The following PRKAR2B variants were observed in gnomAD, a reference collection of about 807,000 sequenced individuals.
PRKAR2B encodes cAMP-dependent protein kinase type II-beta regulatory subunit.
In PRKAR2B, 14 loss-of-function variants were observed where a neutral mutation model predicts 49.9. That is an observed-to-expected ratio of 0.28 (90% CI 0.19 to 0.44). The LOEUF (loss-of-function observed/expected upper bound fraction) is 0.44. PRKAR2B is among the 20% of genes least tolerant of loss of function. The pLI is 1.00. For missense variants in PRKAR2B, 393 were observed against 537.9 expected, an observed-to-expected ratio of 0.73 and a Z score of 2.67; for synonymous variants, 196 against 197.7, an observed-to-expected ratio of 0.99 and a Z score of 0.07.
intron 4 of PRKAR2B, 39 bp downstream of exon 4, chr7:107,128,334 T>TC (rs769944153): frequency 8.2e-6 from 12 of 1,466,842 alleles, no homozygotes. Flanking sequence ...CTTTGTTTTT[T>TC]CCCCCAGTGA....
At chr7:107,151,375 C>T (rs1795983594) in intron 7 of PRKAR2B, among the ~76,000 whole-genome samples, 1 of 152,204 alleles carries the variant, frequency 6.6e-6, no homozygotes, top group South Asian at 2.1e-4. Context: ...CCTCTCTGGC[C>T]TCTTCCTCTC....
intron 5 of PRKAR2B, among the ~76,000 whole-genome samples, chr7:107,144,563 C>T (rs552590309): frequency 5.9e-5 from 9 of 152,114 alleles, no homozygotes; most frequent in African/African-American, 1.7e-4. Flanking sequence ...TGGGCCCAAG[C>T]GATCCTCTTG....
chr7:107,116,884 C>CAT lies in PRKAR2B; in HGVS notation c.344-5057_344-5056dup, dbSNP rs199761562. ...ATATATACATATATATATATACACA[C>CAT]ATATATATATATGTGTGTGTGTGTA... is the stretch of plus-strand genomic sequence containing the variant. On this transcript the variant is annotated intron_variant, in intron 2 of 10. Transcript: ENST00000265717. 3.7e-3 allele frequency among the ~76,000 whole-genome samples: 539 copies of CAT among 147,610 alleles called. 1 individual carries two copies. Among genetic ancestry groups the CAT allele is most frequent in the Middle Eastern group, 0.018 (5 of 282 alleles).
intron 5 of PRKAR2B, among the ~76,000 whole-genome samples, chr7:107,143,189 G>GT (rs1795820732): frequency 6.6e-6 from 1 of 152,230 alleles, no homozygotes; most frequent in Non-Finnish European, 1.5e-5. Flanking sequence ...GTAGAGAACA[G>GT]TTTCAGCGCA....
intron 2 of PRKAR2B, among the ~76,000 whole-genome samples, chr7:107,081,562 A>C (rs930316841): frequency 7.9e-5 from 12 of 152,104 alleles, no homozygotes; most frequent in African/African-American, 2.7e-4. Flanking sequence ...GCAACTAAAA[A>C]CCAAAATACC....
At chr7:107,142,929 A>G (rs1223287947) in intron 5 of PRKAR2B, among the ~76,000 whole-genome samples, 1 of 151,954 alleles carries the variant, frequency 6.6e-6, no homozygotes, top group Non-Finnish European at 1.5e-5. Flanking sequence ...CACCCAGCTA[A>G]TTTTTGTATT....
intron 2 of PRKAR2B, among the ~76,000 whole-genome samples, chr7:107,114,579 A>G (rs958477914): frequency 6.9e-6 from 1 of 145,274 alleles, no homozygotes; most frequent in Admixed American, 7.1e-5. Context: ...CATATTGGCC[A>G]GGCTGGTCTT....
At chr7:107,112,673 A>G (rs1238133044) in intron 2 of PRKAR2B, among the ~76,000 whole-genome samples, 1 of 152,148 alleles carries the variant, frequency 6.6e-6, no homozygotes, top group Non-Finnish European at 1.5e-5. Context: ...CCTTTACAAA[A>G]TGGAAATGGA....
chr7:107,096,757 C>T (rs71433563), intron 2 of PRKAR2B, among the ~76,000 whole-genome samples: 4 of 152,232 alleles, frequency 2.6e-5, no homozygotes, highest in South Asian at 4.1e-4. Flanking sequence ...GCCTCCATTT[C>T]GTTATGTGTA....
At chr7:107,077,145 G>GT (rs1324583886) in intron 2 of PRKAR2B, 2 of 152,046 alleles carry the variant, frequency 1.3e-5, no homozygotes, top group Non-Finnish European at 2.9e-5. Context: ...TTCATATTTT[G>GT]TTTTTTGAAA....
At chr7:107,154,111 CAG>C (rs1339249594) in intron 8 of PRKAR2B, among the ~76,000 whole-genome samples, 2 of 151,972 alleles carry the variant, frequency 1.3e-5, no homozygotes, top group Non-Finnish European at 1.5e-5. Flanking sequence ...TTAGAGCAGT[CAG>C]GGATTGGGAA....
At chr7:107,075,847 T>C (rs1306592829) in intron 2 of PRKAR2B, among the ~76,000 whole-genome samples, 1 of 152,216 alleles carries the variant, frequency 6.6e-6, no homozygotes, top group Non-Finnish European at 1.5e-5. Flanking sequence ...TGTTTGATAG[T>C]AATCCTTTAA....
intron 1 of PRKAR2B, among the ~76,000 whole-genome samples, 197 bp downstream of exon 1, chr7:107,045,411 T>G (rs1264216886): frequency 2.0e-5 from 3 of 152,150 alleles, no homozygotes; most frequent in African/African-American, 7.2e-5. Context: ...TACTCCGCTC[T>G]CTGTCATACC....
At chr7:107,099,838 G>A (rs930703407) in intron 2 of PRKAR2B, among the ~76,000 whole-genome samples, 1 of 151,988 alleles carries the variant, frequency 6.6e-6, no homozygotes, top group Non-Finnish European at 1.5e-5. Context: ...GTTTCACCAT[G>A]TTAGCCAGGA....
chr7:107,051,062 A>T (rs1192109918), intron 1 of PRKAR2B, among the ~76,000 whole-genome samples: 1 of 152,192 alleles, frequency 6.6e-6, no homozygotes, highest in Non-Finnish European at 1.5e-5. Flanking sequence ...CAATTTTGTT[A>T]ATAGATGGGG....
chr7:107,073,972 G>A lies in PRKAR2B; in HGVS notation c.343+3656G>A, dbSNP rs560143463. 1.1e-3 allele frequency among the ~76,000 whole-genome samples: 173 copies of A among 152,164 alleles called. 1 individual carries two copies. The highest frequency in any genetic ancestry group is 5.2e-3 in the South Asian group (25 of 4,826). ...AGTTACTCGGGAGGCTGAGGCAGGA[G>A]ATTCACTTGAACCCTGGAGGTGGAG... On this transcript the variant is annotated intron_variant, in intron 2 of 10. Coordinates refer to ENST00000265717, the MANE Select transcript of PRKAR2B (RefSeq NM_002736.3).
intron 2 of PRKAR2B, among the ~76,000 whole-genome samples, chr7:107,099,276 A>G (rs908910452): frequency 6.6e-6 from 1 of 152,128 alleles, no homozygotes; most frequent in Admixed American, 6.5e-5. Context: ...CTTCTGTGCT[A>G]GCAGTGATTG....
In PRKAR2B at chr7:107,056,214, C is replaced by T. The variant is rs373082379; in HGVS notation, c.307+11000C>T. The stretch of plus-strand genomic sequence containing the variant: ...ACCAGTACCATGCTGTTTTGGTTAC[C>T]ATAGCCTTGTAGTATAGTTTGAAGT... On this transcript the variant is annotated intron_variant, in intron 1 of 10. Coordinates refer to ENST00000265717, the MANE Select transcript of PRKAR2B (RefSeq NM_002736.3). Among the ~76,000 whole-genome samples, 8 of 152,198 alleles carry T rather than the reference C, an allele frequency of 5.3e-5. No homozygotes were observed. The South Asian group carries it at 1.5e-3, about 28-fold the overall frequency.
chr7:107,108,825 C>A (rs976922779), intron 2 of PRKAR2B, among the ~76,000 whole-genome samples: 4 of 152,166 alleles, frequency 2.6e-5, no homozygotes, highest in African/African-American at 9.7e-5. Flanking sequence ...TCATGGTTGC[C>A]AGGCTGATAC....
Sources: allele counts gnomAD v4.1 joint callset (sites outside exome capture counted in the v4.1 genomes callset), GRCh38; gene constraint gnomAD v4.1.1; transcripts MANE v1.5; gene names NCBI Gene and HGNC (gene_info 2026-07-23, HGNC 2026-07-21).